MYRF: variants seen among roughly 807,000 people sequenced by gnomAD.
MYRF encodes myelin gene regulatory factor.
Under a neutral mutation model 126.3 loss-of-function variants are expected in MYRF, and 16 were observed. The ratio of observed to expected loss-of-function variants is 0.13; its 90% confidence interval spans 0.09 to 0.19. The LOEUF (loss-of-function observed/expected upper bound fraction) is 0.19, where lower values mean the gene tolerates loss of function less well. Among genes scored for constraint, MYRF ranks in the 10% least tolerant of loss-of-function variants. The pLI is 1.00. For synonymous variants in MYRF, 608 were observed against 635.3 expected, an observed-to-expected ratio of 0.96 and a Z score of 0.65; for missense variants, 1,104 against 1,547.0, an observed-to-expected ratio of 0.71 and a Z score of 4.80.
chr11:61,780,400 C>A, intron 18 of MYRF, 110 bp downstream of exon 18: 1 of 984,782 alleles, frequency 1.0e-6, no homozygotes, highest in Non-Finnish European at 1.5e-6. Flanking sequence ...CATCCTTAGC[C>A]TCTTAGCCTG....
At position 61,786,337 on chromosome 11, in the gene MYRF, G is replaced by A. The variant is rs661248; in HGVS notation, c.*194G>A. The A allele has an allele frequency of 2.6e-5, 16 of 617,008 alleles. No individual in the cohort carries two copies. The African/African-American group carries it at 2.9e-4, about 11-fold the overall frequency. The allele number at this position is 617,008 out of a possible 1,614,324, so 38.2% of individuals were successfully genotyped here. ...AGCTGGTCGCCCCTCACGGCACAGAGGGAACCTGAGAGCCAGAGACTTCTT... is the reference window on the plus strand; with the variant it reads ...AGCTGGTCGCCCCTCACGGCACAGAAGGAACCTGAGAGCCAGAGACTTCTT... On this transcript the variant is annotated 3_prime_UTR_variant, in exon 27 of 27. Coordinates refer to ENST00000278836, the MANE Select transcript of MYRF (RefSeq NM_001127392.3). The surrounding 1 kb of genome is among the most constrained non-coding windows in gnomAD (Gnocchi z 4.5).
In MYRF at chr11:61,757,548, G is replaced by A. The variant is rs198459; in HGVS notation, c.46+4758G>A. The A allele has an allele frequency of 0.15, 69,217 of 456,256 alleles. 6,910 individuals carry two copies. The highest frequency in any genetic ancestry group is 0.26 in the Middle Eastern group (801 of 3,070). 28.3% of individuals were successfully genotyped at this position (456,256 alleles called of 1,614,324 possible). On this transcript the variant is annotated intron_variant, in intron 1 of 26. Transcript: ENST00000278836. This position sits in a 1 kb window ranked among gnomAD's most constrained non-coding sequence, Gnocchi z 4.7. ...CCCCTAAGCTTAGGGGGCTTGTTGA[G>A]CATGTTCTGTGGTTCTGTGTGCAAG... is the stretch of plus-strand genomic sequence containing the variant.
rs1309560647 is a variant in MYRF, at chr11:61,765,605, C to T, written c.47-20C>T. Reference sequence around the variant, plus strand: ...CAGGGAGCTGGGCCTCTTCCCTAGCCCATCTCTCCTGCCCTGCAGGCCACG... The same window carrying T: ...CAGGGAGCTGGGCCTCTTCCCTAGCTCATCTCTCCTGCCCTGCAGGCCACG... On this transcript the variant is annotated intron_variant, in intron 1 of 26. Transcript: ENST00000278836. 6.2e-7 allele frequency: 1 copy of T among 1,604,060 alleles called. No individual in the cohort carries two copies. Among genetic ancestry groups the T allele is most frequent in the Non-Finnish European group, 8.5e-7 (1 of 1,174,400 alleles).
chr11:61,779,595 C>G, intron 16 of MYRF, 25 bp downstream of exon 16: 1 of 1,476,602 alleles, frequency 6.8e-7, no homozygotes, highest in Non-Finnish European at 9.0e-7. Context: ...GGATGGCAGG[C>G]GGGTTGGAAA....
Position 61,787,814 on chromosome 11 carries a change from C to G in MYRF, c.*1671C>G, listed in dbSNP as rs1170055644. 2.0e-5 allele frequency: 3 copies of G among 152,774 alleles called. No individual in the cohort carries two copies. The highest frequency in any genetic ancestry group is 7.2e-5 in the African/African-American group (3 of 41,454). 9.5% of individuals were successfully genotyped at this position (152,774 alleles called of 1,614,324 possible). Reference sequence around the variant, plus strand: ...GCCTTAAAACTGCCGAGCCCCACTCCATGTAATAGGATTCCTGGGCTTCCT... The same window carrying G: ...GCCTTAAAACTGCCGAGCCCCACTCGATGTAATAGGATTCCTGGGCTTCCT... On this transcript the variant is annotated 3_prime_UTR_variant, in exon 27 of 27. Coordinates refer to ENST00000278836, the MANE Select transcript of MYRF (RefSeq NM_001127392.3).
At chr11:61,756,889 C>A (rs1023404848) in intron 1 of MYRF, among the ~76,000 whole-genome samples, 3 of 152,060 alleles carry the variant, frequency 2.0e-5, no homozygotes, top group African/African-American at 7.2e-5. Flanking sequence ...GGGCCTGACT[C>A]CCCAATTACC....
In MYRF at chr11:61,779,563, C is replaced by T; in HGVS notation, c.2240C>T (p.Ala747Val). ...VPHKKRPPKV[A>V]SKSSSVVPDQ... Reference sequence around the variant, plus strand: ...CACAAGAAGAGGCCCCCCAAGGTGGCCAGCAAGGTAGGGGTGAGCAGGGAT... The same window carrying T: ...CACAAGAAGAGGCCCCCCAAGGTGGTCAGCAAGGTAGGGGTGAGCAGGGAT... The change falls in exon 16 of 27, where the codon GCC becomes GTC. Residue 747 changes from alanine to valine, a missense_variant. Ala to Val is a moderately conservative substitution (Grantham distance 64). Transcript: ENST00000278836. 1.3e-6 allele frequency: 2 copies of T among 1,501,298 alleles called. No homozygotes were observed. Among genetic ancestry groups the T allele is most frequent in the Admixed American group, 2.3e-5 (1 of 42,948 alleles). 93.0% of individuals were successfully genotyped at this position (1,501,298 alleles called of 1,614,324 possible).
intron 18 of MYRF, 65 bp downstream of exon 18, chr11:61,780,355 C>A: frequency 1.4e-6 from 2 of 1,397,152 alleles, no homozygotes; most frequent in South Asian, 1.3e-5. Flanking sequence ...AGTCCCAGGT[C>A]AGAGAGCCAT....
intron 1 of MYRF, among the ~76,000 whole-genome samples, chr11:61,765,423 G>A (rs368446200): frequency 2.0e-5 from 3 of 151,342 alleles, no homozygotes; most frequent in African/African-American, 7.3e-5. Context: ...GTGGTGGGGC[G>A]GGGGGGCATT....
Position 61,781,750 on chromosome 11 carries a change from A to T in MYRF, c.2942A>T (p.His981Leu), listed in dbSNP as rs150138496. The T allele has an allele frequency of 1.2e-6, 2 of 1,611,894 alleles. No individual in the cohort carries two copies. Among genetic ancestry groups the T allele is most frequent in the South Asian group, 2.2e-5 (2 of 91,000 alleles). ...KAKNSPSLGF[H>L]GRARRGALQS... ...AAGAACAGTCCCAGCCTTGGTTTCCATGGCCGGGCCCGCCGAGGGGCCCTC... is the reference window on the plus strand; with the variant it reads ...AAGAACAGTCCCAGCCTTGGTTTCCTTGGCCGGGCCCGCCGAGGGGCCCTC... The change falls in exon 22 of 27, where the codon CAT becomes CTT. Residue 981 changes from histidine to leucine, a missense_variant. By Grantham distance (99) the His-to-Leu change is moderately conservative. Transcript: ENST00000278836.
Position 61,777,569 on chromosome 11 carries a change from G to C in MYRF, c.1791+105G>C. On this transcript the variant is annotated intron_variant, in intron 12 of 26. Coordinates refer to ENST00000278836, the MANE Select transcript of MYRF (RefSeq NM_001127392.3). The surrounding 1 kb of genome is among the most constrained non-coding windows in gnomAD (Gnocchi z 8.8). ...TGACTACGCGGAAAGGCGGAGCTGC[G>C]GGGGAAGGAAGGGAGGGAGGCTGGC... is the stretch of plus-strand genomic sequence containing the variant. 7.0e-7 allele frequency: 1 copy of C among 1,425,152 alleles called. No individual in the cohort carries two copies. 88.3% of individuals were successfully genotyped at this position (1,425,152 alleles called of 1,614,324 possible).
At chr11:61,785,097 C>T (rs1299799472) in intron 25 of MYRF, 1 of 152,750 alleles carries the variant, frequency 6.5e-6, no homozygotes, top group Non-Finnish European at 1.5e-5. Flanking sequence ...GTTTTGACTT[C>T]CAAGAACGTA....
chr11:61,771,469 G>A, intron 5 of MYRF, 31 bp from the exon 6 acceptor site: 5 of 1,595,044 alleles, frequency 3.1e-6, no homozygotes, highest in Non-Finnish European at 4.3e-6. Context: ...GGGAGAGCCA[G>A]CCCCCACGGC....
chr11:61,761,435 G>C (rs385576), intron 1 of MYRF, among the ~76,000 whole-genome samples: 1 of 152,176 alleles, frequency 6.6e-6, no homozygotes, highest in African/African-American at 2.4e-5. Context: ...GCGGAGGGGA[G>C]GGGGCTGCCT....
At chr11:61,772,973 G>A (rs946820366) in intron 7 of MYRF, among the ~76,000 whole-genome samples, 6 of 151,978 alleles carry the variant, frequency 3.9e-5, no homozygotes, top group African/African-American at 1.4e-4. Context: ...ACCTGAGTGA[G>A]GGTGCGCTAA....
chr11:61,784,304 G>A lies in MYRF; in HGVS notation c.3219G>A (p.Val1073=). The A allele has an allele frequency of 6.2e-7, 1 of 1,614,032 alleles. No individual in the cohort carries two copies. Among genetic ancestry groups the A allele is most frequent in the Non-Finnish European group, 8.5e-7 (1 of 1,180,002 alleles). ...GCTCCTCCTCCCCCGTGTCTGTGGTGCTGTGCAGCCTGAGGTCAAAGGAGG... is the reference window on the plus strand; with the variant it reads ...GCTCCTCCTCCCCCGTGTCTGTGGTACTGTGCAGCCTGAGGTCAAAGGAGG... ...QMNSSSPVSV[V]LCSLRSKEEP... The change falls in exon 25 of 27, where the codon GTG becomes GTA. Residue 1073 remains valine (V), a synonymous_variant. Coordinates refer to ENST00000278836, the MANE Select transcript of MYRF (RefSeq NM_001127392.3).
At position 61,786,355 on chromosome 11, in the gene MYRF, G is replaced by A; in HGVS notation, c.*212G>A. ...GCACAGAGGGAACCTGAGAGCCAGA[G>A]ACTTCTTGGGCCTTCCTGCCTGCCA... On this transcript the variant is annotated 3_prime_UTR_variant, in exon 27 of 27. Coordinates refer to ENST00000278836, the MANE Select transcript of MYRF (RefSeq NM_001127392.3). The surrounding 1 kb of genome is among the most constrained non-coding windows in gnomAD (Gnocchi z 4.5). The A allele has an allele frequency of 1.7e-6, 1 of 596,008 alleles. No individual in the cohort carries two copies. Among genetic ancestry groups the A allele is most frequent in the South Asian group, 2.0e-5 (1 of 50,464 alleles). The allele number at this position is 596,008 out of a possible 1,614,324, so 36.9% of individuals were successfully genotyped here. A position where few individuals can be genotyped will look rare whatever the true frequency, so the allele number is the denominator to read the frequency against.
Position 61,761,878 on chromosome 11 carries a change from A to G in MYRF, c.47-3747A>G, listed in dbSNP as rs191333685. ...ATGAGCCATGTAAAGTGCATGGCAC[A>G]GGGCTGGGCACAGAGTGGCCACTGG... On this transcript the variant is annotated intron_variant, in intron 1 of 26. Coordinates refer to ENST00000278836, the MANE Select transcript of MYRF (RefSeq NM_001127392.3). Among the ~76,000 whole-genome samples, 5 of 152,390 alleles carry G rather than the reference A, an allele frequency of 3.3e-5. No homozygotes were observed. The East Asian group carries it at 9.6e-4, about 29-fold the overall frequency.
At chr11:61,785,094 C>G (rs1333380009) in intron 25 of MYRF, 1 of 152,740 alleles carries the variant, frequency 6.5e-6, no homozygotes, top group Admixed American at 6.5e-5. Context: ...CAGGTTTTGA[C>G]TTCCAAGAAC....
Sources: gnomAD v4.1 joint callset for allele counts (sites outside exome capture counted in the v4.1 genomes callset) on GRCh38, gnomAD v4.1.1 for gene constraint, Gnocchi (gnomAD v3.1) non-coding constraint, MANE v1.5 for transcripts, NCBI Gene and HGNC (gene_info 2026-07-23, HGNC 2026-07-21) for gene names.